The following OR9Q1 variants were observed in gnomAD, a reference collection of about 807,000 sequenced individuals.
The protein encoded by OR9Q1 is olfactory receptor family 9 subfamily Q member 1.
For synonymous variants in OR9Q1, 153 were observed against 148.6 expected (o/e 1.03, Z -0.22); for missense variants, 374 against 378.8 (o/e 0.99, Z 0.11).
At chr11:58,159,465 A>AC (rs397751729) in intron 2 of OR9Q1, among the ~76,000 whole-genome samples, 1 of 151,840 alleles carries the variant, frequency 6.6e-6, no homozygotes, top group Non-Finnish European at 1.5e-5. Flanking sequence ...AAAAAAAAAA[A>AC]CAGTCATTAG....
intron 1 of OR9Q1, among the ~76,000 whole-genome samples, chr11:58,043,712 A>G (rs1163904099): frequency 2.6e-5 from 4 of 152,206 alleles, no homozygotes; most frequent in Non-Finnish European, 5.9e-5. Context: ...CACCCCTTGC[A>G]TTGCCAAGTC....
chr11:58,076,563 C>G (rs1411729898), intron 2 of OR9Q1, among the ~76,000 whole-genome samples: 2 of 152,190 alleles, frequency 1.3e-5, no homozygotes, highest in African/African-American at 4.8e-5. Context: ...TATGGGCTCA[C>G]TGACTTTTGG....
At chr11:58,067,278 C>T (rs540307282) in intron 2 of OR9Q1, among the ~76,000 whole-genome samples, 107 of 152,132 alleles carry the variant, frequency 7.0e-4, no homozygotes, top group African/African-American at 2.1e-3. Context: ...CCCCATGATC[C>T]GCCCACCTCG....
chr11:58,068,155 A>G (rs1853447670), intron 2 of OR9Q1, among the ~76,000 whole-genome samples: 1 of 145,474 alleles, frequency 6.9e-6, no homozygotes, highest in South Asian at 2.3e-4. Flanking sequence ...CCTGATCAAC[A>G]TGTTAAACCC....
At chr11:58,142,506 T>C (rs908382700) in intron 2 of OR9Q1, among the ~76,000 whole-genome samples, 14 of 152,132 alleles carry the variant, frequency 9.2e-5, no homozygotes, top group South Asian at 4.1e-4. Context: ...TATCAAGAAT[T>C]CAGTGGGGGA....
chr11:58,169,992 T>C (rs964141990), intron 2 of OR9Q1, among the ~76,000 whole-genome samples: 4 of 152,124 alleles, frequency 2.6e-5, no homozygotes, highest in African/African-American at 9.7e-5. Context: ...TTTTGAACCC[T>C]CTCAGTGACT....
intron 1 of OR9Q1, among the ~76,000 whole-genome samples, chr11:58,028,420 A>G (rs1852996387): frequency 6.6e-6 from 1 of 152,190 alleles, no homozygotes; most frequent in African/African-American, 2.4e-5. Context: ...GAATTTATAG[A>G]TGACACAAGA....
In OR9Q1 at chr11:58,087,725, C is replaced by A. The variant is rs1853647223; in HGVS notation, c.-15+31778C>A. Reference sequence around the variant, plus strand: ...TGCTCTCCCTCCCCTTGCCCCCCACCCCCTGACAGGCCCCGGTGTGTGAGG... The same window carrying A: ...TGCTCTCCCTCCCCTTGCCCCCCACACCCTGACAGGCCCCGGTGTGTGAGG... On this transcript the variant is annotated intron_variant, in intron 2 of 2. Transcript: ENST00000335397. 1.3e-5 allele frequency among the ~76,000 whole-genome samples: 2 copies of A among 151,630 alleles called. 1 individual carries two copies. Among genetic ancestry groups the A allele is most frequent in the African/African-American group, 4.9e-5 (2 of 40,988 alleles).
chr11:58,029,309 G>A (rs923010375), intron 1 of OR9Q1, among the ~76,000 whole-genome samples: 2 of 152,134 alleles, frequency 1.3e-5, no homozygotes, highest in African/African-American at 4.8e-5. Flanking sequence ...CTCCACCTAG[G>A]CCTTTCCACA....
intron 2 of OR9Q1, among the ~76,000 whole-genome samples, chr11:58,070,355 G>A (rs1282540758): frequency 1.3e-5 from 2 of 151,928 alleles, no homozygotes; most frequent in Non-Finnish European, 2.9e-5. Context: ...AATCACTTCA[G>A]ATGTACATTA....
chr11:58,047,798 C>T (rs1323784526), intron 1 of OR9Q1, among the ~76,000 whole-genome samples: 3 of 151,952 alleles, frequency 2.0e-5, no homozygotes, highest in African/African-American at 7.3e-5. Context: ...GCAGAAGAAT[C>T]GCTTGAACTC....
intron 2 of OR9Q1, among the ~76,000 whole-genome samples, chr11:58,130,042 C>T (rs1403497965): frequency 6.6e-6 from 1 of 152,018 alleles, no homozygotes; most frequent in East Asian, 1.9e-4. Flanking sequence ...GGTTTTAAGC[C>T]CCGCATGCAT....
rs1565098605 is a variant in OR9Q1 at position 58,179,751 on chromosome 11, C to A, written c.307C>A (p.Leu103Met). ...SYTRCAAQFF[L>M]FTFFGSIDCY... ...CACACGCTGTGCTGCTCAGTTCTTT[C>A]TGTTCACCTTCTTTGGTTCCATCGA... Residue 103 changes from leucine to methionine, a missense_variant, in exon 3 of 3, where the codon CTG becomes ATG. Coordinates refer to ENST00000335397, the MANE Select transcript of OR9Q1 (RefSeq NM_001005212.4). 5.6e-6 allele frequency: 9 copies of A among 1,614,100 alleles called. No homozygotes were observed. Among genetic ancestry groups the A allele is most frequent in the African/African-American group, 1.3e-5 (1 of 74,946 alleles).
rs180898907 is a variant in OR9Q1 at position 58,076,735 on chromosome 11, C to T, written c.-15+20788C>T. ...CTCTTGGGCTCAAGTGATTCTCCTCCCTTGGCCTCCCAAAGTGCTGGGATT... is the reference window on the plus strand; with the variant it reads ...CTCTTGGGCTCAAGTGATTCTCCTCTCTTGGCCTCCCAAAGTGCTGGGATT... On this transcript the variant is annotated intron_variant, in intron 2 of 2. Coordinates refer to ENST00000335397, the MANE Select transcript of OR9Q1 (RefSeq NM_001005212.4). Among the ~76,000 whole-genome samples the T allele has an allele frequency of 3.3e-5, 5 of 152,272 alleles. No individual in the cohort carries two copies. The East Asian group carries it at 9.6e-4, about 29-fold the overall frequency.
intron 2 of OR9Q1, among the ~76,000 whole-genome samples, chr11:58,174,225 T>C (rs917804148): frequency 6.6e-6 from 1 of 152,184 alleles, no homozygotes; most frequent in Non-Finnish European, 1.5e-5. Flanking sequence ...GCTTGTGTAA[T>C]GGGGCTTTGT....
intron 2 of OR9Q1, among the ~76,000 whole-genome samples, chr11:58,173,656 C>T (rs1465027045): frequency 1.3e-5 from 2 of 152,076 alleles, no homozygotes; most frequent in African/African-American, 4.8e-5. Flanking sequence ...ACCCCACCCC[C>T]TCAGCCAAAG....
intron 1 of OR9Q1, among the ~76,000 whole-genome samples, chr11:58,048,496 CA>C (rs11335783): frequency 0.76 from 94,028 of 123,370 alleles, 34,861 homozygotes; most frequent in East Asian, 0.88. Context: ...ACTAAAAATA[CA>C]AAAAAAAAAA....
intron 1 of OR9Q1, chr11:58,031,536 A>T: frequency 3.1e-6 from 5 of 1,614,032 alleles, no homozygotes; most frequent in Non-Finnish European, 4.2e-6. Flanking sequence ...TCGTGCTCAG[A>T]TGTCACTTGG....
chr11:58,108,896 CA>C, intron 2 of OR9Q1: 1 of 359,844 alleles, frequency 2.8e-6, no homozygotes, highest in South Asian at 2.1e-5. Context: ...TACATGAAGG[CA>C]AGTGTCCCAA....
Sources: gnomAD v4.1 joint callset for allele counts (sites outside exome capture counted in the v4.1 genomes callset) on GRCh38, gnomAD v4.1.1 for gene constraint, MANE v1.5 for transcripts, NCBI Gene and HGNC (gene_info 2026-07-23, HGNC 2026-07-21) for gene names.